Variants in PALLD observed in about 807,000 individuals in gnomAD.
PALLD encodes the protein palladin, cytoskeletal associated protein.
PALLD carries 61 observed loss-of-function variants against 123.5 expected under a neutral mutation model. That is an observed-to-expected ratio of 0.49 (90% CI 0.40 to 0.61). PALLD has a LOEUF of 0.61. Ranked by LOEUF, PALLD falls within the 20% of genes least tolerant of loss-of-function variation. The pLI is 0.00. For synonymous variants in PALLD, 465 were observed against 496.4 expected (o/e 0.94, Z 0.84); for missense variants, 1,273 against 1,377.0 (o/e 0.92, Z 1.20).
chr4:168,625,300 A>C (rs1011660461), intron 2 of PALLD, among the ~76,000 whole-genome samples: 1 of 152,028 alleles, frequency 6.6e-6, no homozygotes, highest in Non-Finnish European at 1.5e-5. Flanking sequence ...ATAGCATCTC[A>C]AAACAGGGTA....
intron 8 of PALLD, among the ~76,000 whole-genome samples, chr4:168,698,426 A>G (rs539235900): frequency 1.3e-5 from 2 of 152,230 alleles, no homozygotes; most frequent in Admixed American, 1.3e-4. Context: ...GGGGACAGAT[A>G]CCCTGTTCTC....
In PALLD at chr4:168,828,455, T is replaced by C. The variant is rs139178818; in HGVS notation, c.1965-62467T>C. Among the ~76,000 whole-genome samples the C allele has an allele frequency of 2.7e-4, 41 of 152,364 alleles. No homozygotes were observed. In the East Asian group the frequency reaches 7.5e-3, roughly 28 times the overall value. ...ATCATGTTACCTATGCTGAGCATTT[T>C]GAGCTAGATAGTGTGCAATACCCGT... On this transcript the variant is annotated intron_variant, in intron 10 of 21. Transcript: ENST00000505667.
rs142140408 is a variant in PALLD, at chr4:168,668,251, G to T, written c.970G>T (p.Gly324Trp). The T allele has an allele frequency of 6.2e-6, 10 of 1,614,052 alleles. No individual in the cohort carries two copies. The African/African-American group carries it at 1.2e-4, about 19-fold the overall frequency. ...TGATATTCAAATCCACTGTGAGGGA[G>T]GGGACCTCCATACCCTGATCATAGC... ...TPDIQIHCEG[G>W]DLHTLIIAEA... is the part of the protein sequence containing the mutation. The change falls in exon 3 of 22, where the codon GGG (glycine) becomes TGG (tryptophan). Residue 324 changes from glycine to tryptophan, a missense_variant. Around this residue, in one of 2 missense-constraint regions of PALLD, gnomAD observed 944 missense variants for 954.5 expected, o/e 0.99. Transcript: ENST00000505667.
intron 3 of PALLD, among the ~76,000 whole-genome samples, chr4:168,674,753 A>C (rs1780663509): frequency 6.6e-6 from 1 of 152,232 alleles, no homozygotes; most frequent in Non-Finnish European, 1.5e-5. Context: ...AAAGAGAAGC[A>C]GCAAATAACA....
chr4:168,798,108 T>C (rs1738785243), intron 10 of PALLD, among the ~76,000 whole-genome samples: 1 of 152,196 alleles, frequency 6.6e-6, no homozygotes, highest in South Asian at 2.1e-4. Flanking sequence ...GGCTCAGGGT[T>C]TGCAATGTAA....
At chr4:168,782,562 T>G (rs1321808826) in intron 10 of PALLD, among the ~76,000 whole-genome samples, 1 of 152,122 alleles carries the variant, frequency 6.6e-6, no homozygotes, top group Admixed American at 6.5e-5. Context: ...CCTTGTTGTG[T>G]GAAGCAGCAA....
chr4:168,689,649 TG>T (rs752788767), intron 6 of PALLD, among the ~76,000 whole-genome samples: 15 of 151,876 alleles, frequency 9.9e-5, no homozygotes, highest in African/African-American at 3.6e-4. Flanking sequence ...GATTTCGCCA[TG>T]TTGGTCAGGC....
At position 168,690,672 on chromosome 4, in the gene PALLD, C is replaced by T. The variant is rs1332360017; in HGVS notation, c.1405C>T (p.Pro469Ser). Reference sequence around the variant, plus strand: ...GGAGTGCCGGGTCCGTGGGGCACCCCCTCTGCAGGTCCAGTGGTTTCGGCA... The same window carrying T: ...GGAGTGCCGGGTCCGTGGGGCACCCTCTCTGCAGGTCCAGTGGTTTCGGCA... ...VLECRVRGAP[P>S]LQVQWFRQGS... Residue 469 changes from proline (P) to serine (S), a missense_variant, in exon 7 of 22, where the codon CCT (proline) becomes TCT (serine). Around this residue, in one of 2 missense-constraint regions of PALLD, gnomAD observed 944 missense variants for 954.5 expected, o/e 0.99. Coordinates refer to ENST00000505667, the MANE Select transcript of PALLD (RefSeq NM_001166108.2). 1 of 1,614,016 alleles carries T rather than the reference C, an allele frequency of 6.2e-7. No individual in the cohort carries two copies. The highest frequency in any genetic ancestry group is 8.5e-7 in the Non-Finnish European group (1 of 1,180,022).
chr4:168,753,016 T>C (rs1005128053), intron 10 of PALLD, among the ~76,000 whole-genome samples: 1 of 152,144 alleles, frequency 6.6e-6, no homozygotes, highest in African/African-American at 2.4e-5. Context: ...AGCTAAACTA[T>C]ATTAAGAGTA....
intron 2 of PALLD, among the ~76,000 whole-genome samples, chr4:168,535,114 A>G: frequency 6.6e-6 from 1 of 152,182 alleles, no homozygotes; most frequent in East Asian, 1.9e-4. Flanking sequence ...GAGGATGTGC[A>G]TAGGTTTTAT....
At chr4:168,727,400 CTTTT>C in intron 10 of PALLD, among the ~76,000 whole-genome samples, 1 of 152,000 alleles carries the variant, frequency 6.6e-6, no homozygotes, top group Non-Finnish European at 1.5e-5. Flanking sequence ...TGTTTTTTGA[CTTTT>C]TAATAGTAGC....
At chr4:168,671,086 A>C (rs184008316) in intron 3 of PALLD, among the ~76,000 whole-genome samples, 1 of 152,020 alleles carries the variant, frequency 6.6e-6, no homozygotes, top group Admixed American at 6.5e-5. Context: ...AGAAATCGAA[A>C]GCATTTTAAG....
At chr4:168,643,441 A>G (rs1777147743) in intron 2 of PALLD, among the ~76,000 whole-genome samples, 2 of 152,354 alleles carry the variant, frequency 1.3e-5, no homozygotes, top group South Asian at 2.1e-4. Context: ...GCTGTTTATC[A>G]TAACATGAAG....
At chr4:168,810,834 A>G (rs1976399) in intron 10 of PALLD, among the ~76,000 whole-genome samples, 82,348 of 144,964 alleles carry the variant, frequency 0.57, 24,482 homozygotes, top group Non-Finnish European at 0.62. Flanking sequence ...AAAGAAAAAA[A>G]AAGAAGAAGA....
intron 2 of PALLD, among the ~76,000 whole-genome samples, chr4:168,567,382 A>C (rs1399082731): frequency 6.6e-6 from 1 of 152,006 alleles, no homozygotes; most frequent in Admixed American, 6.6e-5. Flanking sequence ...ATTTTTCAAC[A>C]GAAGACACAC....
chr4:168,671,944 A>G (rs1780324822), intron 3 of PALLD, among the ~76,000 whole-genome samples: 2 of 152,212 alleles, frequency 1.3e-5, no homozygotes, highest in African/African-American at 4.8e-5. Context: ...TCTAAATTCC[A>G]CTGTCCCATG....
At chr4:168,642,844 G>A (rs557992393) in intron 2 of PALLD, among the ~76,000 whole-genome samples, 2 of 152,324 alleles carry the variant, frequency 1.3e-5, no homozygotes, top group South Asian at 4.1e-4. Flanking sequence ...CTGTACATTC[G>A]TCTCTACTGT....
At chr4:168,789,128 C>CGAAA (rs1561524924) in intron 10 of PALLD, among the ~76,000 whole-genome samples, 1 of 152,138 alleles carries the variant, frequency 6.6e-6, no homozygotes, top group African/African-American at 2.4e-5. Context: ...CATACTCTTT[C>CGAAA]GTATCTTGAT....
intron 2 of PALLD, among the ~76,000 whole-genome samples, chr4:168,584,323 T>C (rs1482717769): frequency 2.0e-5 from 3 of 152,172 alleles, no homozygotes; most frequent in Non-Finnish European, 4.4e-5. Flanking sequence ...ACTGTATCAT[T>C]ACAGTGTGCG....
Sources: gnomAD v4.1 joint callset for allele counts (sites outside exome capture counted in the v4.1 genomes callset) on GRCh38, gnomAD v4.1.1 for gene constraint, gnomAD v4.1.1 regional missense constraint, MANE v1.5 for transcripts, NCBI Gene and HGNC (gene_info 2026-07-23, HGNC 2026-07-21) for gene names.